Variants in SUZ12 observed in about 807,000 individuals in gnomAD.
SUZ12 encodes the protein polycomb protein SUZ12.
Under a neutral mutation model 87.3 loss-of-function variants are expected in SUZ12, and 17 were observed. The ratio of observed to expected loss-of-function variants is 0.19; its 90% CI spans 0.13 to 0.29. The LOEUF (loss-of-function observed/expected upper bound fraction) is 0.29, where lower values mean the gene tolerates loss of function less well. Among genes scored for constraint, SUZ12 ranks in the 10% least tolerant of loss-of-function variants. SUZ12 has a pLI of 1.00. For synonymous variants in SUZ12, 253 were observed against 312.4 expected (o/e 0.81, Z 2.01); for missense variants, 526 against 912.2 (o/e 0.58, Z 5.45).
intron 5 of SUZ12, among the ~76,000 whole-genome samples, chr17:31,972,568 A>G (rs1460133103): frequency 6.6e-6 from 1 of 152,052 alleles, no homozygotes; most frequent in Admixed American, 6.6e-5. Context: ...CATGACACCC[A>G]CCACACCCAG....
chr17:31,941,906 G>T (rs573772404), intron 3 of SUZ12, among the ~76,000 whole-genome samples: 82 of 152,032 alleles, frequency 5.4e-4, no homozygotes, highest in Non-Finnish European at 8.7e-4. Context: ...AGGCTGGAGT[G>T]CAGTGGTGCG....
intron 3 of SUZ12, among the ~76,000 whole-genome samples, chr17:31,940,990 A>G (rs988730258): frequency 1.3e-4 from 20 of 151,966 alleles, no homozygotes; most frequent in African/African-American, 4.4e-4. Context: ...AGCCTGGGCA[A>G]CAGAGCGAGA....
chr17:31,957,913 T>TTTTTTTTTTTTTTTC, intron 4 of SUZ12, among the ~76,000 whole-genome samples: 1 of 140,392 alleles, frequency 7.1e-6, no homozygotes, highest in African/African-American at 2.7e-5. Flanking sequence ...TTTTTTTTTT[T>TTTTTTTTTTTTTTTC]TTTTTTTGAG....
At chr17:31,948,485 T>G (rs1906767521) in intron 4 of SUZ12, among the ~76,000 whole-genome samples, 2 of 152,296 alleles carry the variant, frequency 1.3e-5, no homozygotes, top group South Asian at 4.1e-4. Context: ...TCACAATGCA[T>G]TTTTCTTTTC....
At chr17:31,993,800 A>T in intron 11 of SUZ12, 65 bp from the exon 12 acceptor site, 1 of 1,489,254 alleles carries the variant, frequency 6.7e-7, no homozygotes, top group Non-Finnish European at 9.1e-7. Flanking sequence ...TAGAAGTGAT[A>T]TTTAAACAAA....
In SUZ12 at chr17:31,999,138, G is replaced by T; in HGVS notation, c.*135G>T. ...AGATGAAGTAAATGATTTCAACAAGGATATTTGTATCAGGGTTCTACTTCA... is the reference window on the plus strand; with the variant it reads ...AGATGAAGTAAATGATTTCAACAAGTATATTTGTATCAGGGTTCTACTTCA... On this transcript the variant is annotated 3_prime_UTR_variant, in exon 16 of 16. Coordinates refer to ENST00000322652, the MANE Select transcript of SUZ12 (RefSeq NM_015355.4). The T allele has an allele frequency of 1.4e-6, 1 of 694,726 alleles. No individual in the cohort carries two copies. Among genetic ancestry groups the T allele is most frequent in the Non-Finnish European group, 2.2e-6 (1 of 449,248 alleles). 43.0% of individuals were successfully genotyped at this position (694,726 alleles called of 1,614,324 possible).
chr17:31,970,011 G>A (rs1163825242), intron 5 of SUZ12, among the ~76,000 whole-genome samples: 4 of 151,874 alleles, frequency 2.6e-5, no homozygotes, highest in Admixed American at 6.6e-5. Flanking sequence ...GCAGCCTCCC[G>A]GGCTCAAGCG....
At chr17:31,938,177 G>A (rs1489426863) in intron 1 of SUZ12, among the ~76,000 whole-genome samples, 1 of 152,170 alleles carries the variant, frequency 6.6e-6, no homozygotes, top group African/African-American at 2.4e-5. Flanking sequence ...CTGTTTCTAA[G>A]TTCTGTCTGG....
At chr17:31,945,061 CAAAAAAAAAAA>C (rs34314619) in intron 3 of SUZ12, among the ~76,000 whole-genome samples, 9 of 79,274 alleles carry the variant, frequency 1.1e-4, no homozygotes, top group African/African-American at 3.7e-4. Context: ...GATGGTGTCT[CAAAAAAAAAAA>C]AAAAAAAAAA....
intron 5 of SUZ12, among the ~76,000 whole-genome samples, chr17:31,971,618 C>T (rs766597575): frequency 4.6e-5 from 7 of 151,668 alleles, no homozygotes; most frequent in South Asian, 2.1e-4. Flanking sequence ...TTAGTAGAGA[C>T]GGGGTTTCTC....
chr17:31,999,771 G>A lies in SUZ12; in HGVS notation c.*768G>A, dbSNP rs1910168065. The A allele has an allele frequency of 4.3e-6, 1 of 230,360 alleles. No homozygotes were observed. Among genetic ancestry groups the A allele is most frequent in the Non-Finnish European group, 8.5e-6 (1 of 117,056 alleles). 14.3% of individuals were successfully genotyped at this position (230,360 alleles called of 1,614,324 possible). On this transcript the variant is annotated 3_prime_UTR_variant, in exon 16 of 16. Coordinates refer to ENST00000322652, the MANE Select transcript of SUZ12 (RefSeq NM_015355.4). ...TTTTTTTTTTTAACTTGAACATTTTGCTTGTTTTGTTTTTCTTTTTTAATT... is the reference window on the plus strand; with the variant it reads ...TTTTTTTTTTTAACTTGAACATTTTACTTGTTTTGTTTTTCTTTTTTAATT...
At chr17:31,965,458 TAGA>T (rs1908034366) in intron 4 of SUZ12, among the ~76,000 whole-genome samples, 2 of 152,322 alleles carry the variant, frequency 1.3e-5, no homozygotes, top group African/African-American at 4.8e-5. Context: ...TTTGTGAAAA[TAGA>T]AGGAGCACTA....
intron 3 of SUZ12, among the ~76,000 whole-genome samples, chr17:31,947,268 G>C (rs1906690533): frequency 6.6e-6 from 1 of 152,100 alleles, no homozygotes; most frequent in Non-Finnish European, 1.5e-5. Context: ...TCTAGTAGGA[G>C]AAATAAAATA....
intron 8 of SUZ12, among the ~76,000 whole-genome samples, chr17:31,980,734 C>T (rs1909055626): frequency 6.8e-6 from 1 of 146,876 alleles, no homozygotes; most frequent in Non-Finnish European, 1.5e-5. Context: ...GGGCATGAGC[C>T]ACTGCGCCCC....
At chr17:31,970,688 C>A (rs1397913308) in intron 5 of SUZ12, among the ~76,000 whole-genome samples, 1 of 151,898 alleles carries the variant, frequency 6.6e-6, no homozygotes, top group Non-Finnish European at 1.5e-5. Flanking sequence ...GTAGTCCCAG[C>A]TACTCGGGAG....
chr17:31,988,150 G>T (rs1909512383), intron 9 of SUZ12, among the ~76,000 whole-genome samples, 170 bp from the exon 10 acceptor site: 1 of 152,068 alleles, frequency 6.6e-6, no homozygotes, highest in Non-Finnish European at 1.5e-5. Context: ...ACAGTGTCTG[G>T]TCCATACTTT....
intron 11 of SUZ12, 47 bp from the exon 12 acceptor site, chr17:31,993,818 G>C: frequency 1.3e-6 from 2 of 1,539,232 alleles, no homozygotes; most frequent in Non-Finnish European, 1.8e-6. Flanking sequence ...AAAATATCTT[G>C]TTATGCGTAA....
intron 8 of SUZ12, among the ~76,000 whole-genome samples, chr17:31,977,436 C>T (rs1041873914): frequency 6.6e-6 from 1 of 152,074 alleles, no homozygotes; most frequent in Admixed American, 6.6e-5. Flanking sequence ...CGTGCCACCA[C>T]GCCCAGCTAA....
chr17:31,993,461 G>C, intron 11 of SUZ12, 128 bp downstream of exon 11: 1 of 721,722 alleles, frequency 1.4e-6, no homozygotes, highest in Non-Finnish European at 2.2e-6. Flanking sequence ...TCACTTTTTT[G>C]CCCAGGCTGG....
Sources: allele counts gnomAD v4.1 joint callset (sites outside exome capture counted in the v4.1 genomes callset), GRCh38; gene constraint gnomAD v4.1.1; transcripts MANE v1.5; gene names NCBI Gene and HGNC (gene_info 2026-07-23, HGNC 2026-07-21).